SBF1: variants seen among roughly 807,000 people sequenced by gnomAD.
SBF1 encodes SET binding factor 1.
Under a neutral mutation model 215.8 loss-of-function variants are expected in SBF1, and 65 were observed. The observed-to-expected ratio is 0.30, with a 90% CI of 0.25 to 0.37. The LOEUF (loss-of-function observed/expected upper bound fraction) is 0.37, where lower values mean the gene tolerates loss of function less well. Among genes scored for constraint, SBF1 ranks in the 10% least tolerant of loss-of-function variants. SBF1 has a pLI of 1.00. For synonymous variants in SBF1, 1,410 were observed against 1,122.8 expected, an observed-to-expected ratio of 1.26 and a Z score of -5.11; for missense variants, 2,634 against 2,667.8, an observed-to-expected ratio of 0.99 and a Z score of 0.28.
Position 50,456,197 on chromosome 22 carries a change from GA to G in SBF1, c.4266+18del, listed in dbSNP as rs1569510572. The stretch of plus-strand genomic sequence containing the variant: ...GGCCCAGCACCAAGGCGGGCAGAGG[GA>G]CGGGGCAGTGCAGAGACCTGGATCA... On this transcript the variant is annotated intron_variant, in intron 31 of 40. Transcript: ENST00000380817. 1 of 1,609,664 alleles carries G rather than the reference GA, an allele frequency of 6.2e-7. No homozygotes were observed. Among genetic ancestry groups the G allele is most frequent in the Admixed American group, 1.7e-5 (1 of 59,946 alleles).
At chr22:50,456,139 T>A in intron 31 of SBF1, 77 bp downstream of exon 31, 1 of 1,477,702 alleles carries the variant, frequency 6.8e-7, no homozygotes, top group Non-Finnish European at 9.2e-7. Context: ...CAAGCAAACC[T>A]AGACCCGTCC....
In SBF1 at chr22:50,446,482, C is replaced by T; in HGVS notation, c.*660G>A. On this transcript the variant is annotated 3_prime_UTR_variant, in exon 41 of 41. Transcript: ENST00000380817. ...GGGGTCAAATGACCACCCACCCTTT[C>T]ACCCCCAAGCCTCTGTGAGGTCAGC... 4.9e-6 allele frequency: 1 copy of T among 202,276 alleles called. No individual in the cohort carries two copies. The highest frequency in any genetic ancestry group is 1.0e-5 in the Non-Finnish European group (1 of 96,882). The allele number at this position is 202,276 out of a possible 1,614,324, so 12.5% of individuals were successfully genotyped here.
chr22:50,451,922 G>C (rs1314329878), intron 36 of SBF1, among the ~76,000 whole-genome samples: 1 of 151,020 alleles, frequency 6.6e-6, no homozygotes, highest in Admixed American at 6.6e-5. Context: ...TCAGCCTCCT[G>C]AGTAGCTGGG....
At chr22:50,457,009 G>A (rs1446094180) in intron 29 of SBF1, 25 bp downstream of exon 29, 1 of 1,409,310 alleles carries the variant, frequency 7.1e-7, no homozygotes, top group African/African-American at 1.5e-5. Flanking sequence ...AGGGGAGGCG[G>A]GCCTGCGCAG....
At chr22:50,463,803 C>A (rs1360182536) in intron 15 of SBF1, among the ~76,000 whole-genome samples, 1 of 152,212 alleles carries the variant, frequency 6.6e-6, no homozygotes, top group Non-Finnish European at 1.5e-5. Context: ...TCTATTGCTA[C>A]AACGTTCATC....
rs750095347 is a variant in SBF1, at chr22:50,457,049, G to A, written c.3889C>T (p.Arg1297Trp). The A allele has an allele frequency of 1.1e-5, 16 of 1,457,316 alleles. No homozygotes were observed. The highest frequency in any genetic ancestry group is 1.8e-4 in the Middle Eastern group (1 of 5,620). The allele number at this position is 1,457,316 out of a possible 1,614,324, so 90.3% of individuals were successfully genotyped here. A position where few individuals can be genotyped will look rare whatever the true frequency, so the allele number is the denominator to read the frequency against. Residue 1297 changes from arginine (R) to tryptophan (W), a missense_variant, in exon 29 of 41, where the codon CGG becomes TGG. Transcript: ENST00000380817. ...SNPMAASASR[R>W]TAPRGKWGSV... ...GGTACGGTACCTCGGGGTGCGGTCCGTCTGGAGGCCGAGGCCGCCATGGGG... is the reference window on the plus strand; with the variant it reads ...GGTACGGTACCTCGGGGTGCGGTCCATCTGGAGGCCGAGGCCGCCATGGGG...
Position 50,461,642 on chromosome 22 carries a change from T to C in SBF1, c.2720A>G (p.Asp907Gly), listed in dbSNP as rs1232963851. 1 of 1,611,234 alleles carries C rather than the reference T, an allele frequency of 6.2e-7. No individual in the cohort carries two copies. The highest frequency in any genetic ancestry group is 8.5e-7 in the Non-Finnish European group (1 of 1,179,750). ...GCCCCCCGCGCCCTCCTCACGCCCA[T>C]CCGGCAGCAGGTAGACGCGCAGGCC... is the stretch of plus-strand genomic sequence containing the variant. ...LDGLRVYLLP[D>G]GREEGAGGSA... is the part of the protein sequence containing the mutation. The change falls in exon 22 of 41, where the codon GAT becomes GGT. Residue 907 changes from aspartate to glycine, a missense_variant. Coordinates refer to ENST00000380817, the MANE Select transcript of SBF1 (RefSeq NM_002972.4).
At chr22:50,447,945 G>A (rs2066898292) in intron 38 of SBF1, among the ~76,000 whole-genome samples, 1 of 152,238 alleles carries the variant, frequency 6.6e-6, no homozygotes, top group African/African-American at 2.4e-5. Flanking sequence ...GGGATGGCCA[G>A]GCAGGTAGAT....
At chr22:50,452,440 C>CG (rs1366698133) in intron 36 of SBF1, among the ~76,000 whole-genome samples, 1 of 151,934 alleles carries the variant, frequency 6.6e-6, no homozygotes, top group African/African-American at 2.4e-5. Flanking sequence ...AAAACAGGGC[C>CG]GGGCACGGTG....
In SBF1 at chr22:50,448,945, C is replaced by T. The variant is rs9628258; in HGVS notation, c.5044-295G>A. Among the ~76,000 whole-genome samples, 1,041 of 152,290 alleles carry T rather than the reference C, an allele frequency of 6.8e-3. 19 individuals carry two copies. Among genetic ancestry groups the T allele is most frequent in the African/African-American group, 0.024 (1,005 of 41,540 alleles). On this transcript the variant is annotated intron_variant, in intron 36 of 40. Transcript: ENST00000380817. ...CACCCCGGCCAGGCGTGGTGGCTCA[C>T]GCCTGTAATCCCAGCACTTTGGGAG...
chr22:50,460,413 G>A lies in SBF1; in HGVS notation c.3147-5C>T. 1.2e-6 allele frequency: 2 copies of A among 1,608,526 alleles called. No individual in the cohort carries two copies. The highest frequency in any genetic ancestry group is 1.7e-6 in the Non-Finnish European group (2 of 1,176,434). ...ACCAGGTTCCGGGACAGGGTTCTGAGGCCCACGAGAGTCAGCAAAGGTGAG... is the reference window on the plus strand; with the variant it reads ...ACCAGGTTCCGGGACAGGGTTCTGAAGCCCACGAGAGTCAGCAAAGGTGAG... On this transcript the variant is annotated splice_polypyrimidine_tract_variant and splice_region_variant and intron_variant, in intron 24 of 40. Transcript: ENST00000380817.
rs1433178335 is a variant in SBF1, at chr22:50,465,750, C to T, written c.1089+13G>A. 6.3e-7 allele frequency: 1 copy of T among 1,588,416 alleles called. No homozygotes were observed. The highest frequency in any genetic ancestry group is 8.6e-7 in the Non-Finnish European group (1 of 1,168,500). On this transcript the variant is annotated intron_variant, in intron 10 of 40. Transcript: ENST00000380817. The stretch of plus-strand genomic sequence containing the variant: ...GCCTGGGGTCCCCATGCAGGAGCAG[C>T]AACGACCCCCACCTGCATCTTCAGG...
At chr22:50,468,804 C>T (rs1196959061) in intron 1 of SBF1, among the ~76,000 whole-genome samples, 5 of 152,066 alleles carry the variant, frequency 3.3e-5, no homozygotes, top group Non-Finnish European at 5.9e-5. Context: ...CTGCCACCAC[C>T]GCCAGGCCCC....
rs1209932612 is a variant in SBF1, at chr22:50,456,569, C to T, written c.4009G>A (p.Gly1337Arg). ...AGGAAGCCCGGGTCGGGAGGGCCCC[C>T]GTTGGCCTGGGGTGGGGCCAGCGCG... The part of the protein sequence containing the change: ...RDALAPPQAN[G>R]GPPDPGFLRP... The change falls in exon 30 of 41, where the codon GGG becomes AGG. Residue 1337 changes from glycine to arginine, a missense_variant. Coordinates refer to ENST00000380817, the MANE Select transcript of SBF1 (RefSeq NM_002972.4). 12 of 1,573,058 alleles carry T rather than the reference C, an allele frequency of 7.6e-6. No individual in the cohort carries two copies. The highest frequency in any genetic ancestry group is 9.5e-6 in the Non-Finnish European group (11 of 1,160,696).
chr22:50,454,433 A>T (rs541227080), intron 36 of SBF1, 79 bp downstream of exon 36: 2 of 1,239,330 alleles, frequency 1.6e-6, no homozygotes, highest in Non-Finnish European at 2.3e-6. Context: ...GTACGAGTGT[A>T]CACACACACG....
At chr22:50,458,262 A>G (rs968707456) in intron 28 of SBF1, among the ~76,000 whole-genome samples, 7 of 142,728 alleles carry the variant, frequency 4.9e-5, no homozygotes, top group East Asian at 2.1e-4. Flanking sequence ...CCGAGATCGC[A>G]CCACCGCACT....
At chr22:50,459,207 G>GC (rs749919070) in intron 28 of SBF1, 48 bp downstream of exon 28, 62 of 1,563,756 alleles carry the variant, frequency 4.0e-5, no homozygotes, top group Non-Finnish European at 5.2e-5. Flanking sequence ...TGCCACCACG[G>GC]CCCCCCAAAG....
In SBF1 at chr22:50,461,149, C is replaced by A. The variant is rs535052438; in HGVS notation, c.2967+10G>T. On this transcript the variant is annotated intron_variant, in intron 23 of 40. Transcript: ENST00000380817. ...GGGGATGAGAGCCCCACCCGCGCAC[C>A]GCGCCCCACCTGGAATGTGCAGGAG... is the stretch of plus-strand genomic sequence containing the variant. The A allele has an allele frequency of 4.4e-6, 7 of 1,587,486 alleles. No homozygotes were observed. The highest frequency in any genetic ancestry group is 6.0e-6 in the Non-Finnish European group (7 of 1,164,454).
rs752142179 is a variant in SBF1 at position 50,463,444 on chromosome 22, G to A, written c.1750-12C>T. 7.1e-6 allele frequency: 11 copies of A among 1,558,068 alleles called. No homozygotes were observed. The highest frequency in any genetic ancestry group is 1.9e-5 in the Admixed American group (1 of 52,120). On this transcript the variant is annotated splice_polypyrimidine_tract_variant and intron_variant, in intron 15 of 40. Coordinates refer to ENST00000380817, the MANE Select transcript of SBF1 (RefSeq NM_002972.4). ...ACGGCTGGGAGCAGCTGGGGGTGGGGAAAGGAGACACGGGCTGAGGGCACA... is the reference window on the plus strand; with the variant it reads ...ACGGCTGGGAGCAGCTGGGGGTGGGAAAAGGAGACACGGGCTGAGGGCACA...
Sources: allele counts gnomAD v4.1 joint callset (sites outside exome capture counted in the v4.1 genomes callset), GRCh38; gene constraint gnomAD v4.1.1; transcripts MANE v1.5; gene names NCBI Gene and HGNC (gene_info 2026-07-23, HGNC 2026-07-21).